Variants in CDH12 observed in about 807,000 individuals in gnomAD.
CDH12 encodes the protein cadherin 12.
Under a neutral mutation model 74.1 loss-of-function variants are expected in CDH12, and 41 were observed. The ratio of observed to expected loss-of-function variants is 0.55; its 90% CI spans 0.43 to 0.72. CDH12 has a LOEUF of 0.72. Ranked by LOEUF, CDH12 falls within the 30% of genes least tolerant of loss-of-function variation. The probability of loss-of-function intolerance (pLI) is 0.00; values close to 1 mark genes in which losing one functional copy is unlikely to be tolerated. For missense variants in CDH12, 945 were observed against 977.2 expected (o/e 0.97, Z 0.44); for synonymous variants, 399 against 355.0 (o/e 1.12, Z -1.39).
At chr5:22,126,323 C>A (rs560377239) in intron 4 of CDH12, among the ~76,000 whole-genome samples, 1 of 152,186 alleles carries the variant, frequency 6.6e-6, no homozygotes, top group Admixed American at 6.5e-5. Context: ...CCTGTAGATA[C>A]ATAAAAACTA....
At chr5:22,822,020 G>T (rs1038659972) in intron 1 of CDH12, among the ~76,000 whole-genome samples, 13 of 152,174 alleles carry the variant, frequency 8.5e-5, no homozygotes, top group Non-Finnish European at 1.5e-4. Context: ...TGTGGTACTG[G>T]TACCAAAACA....
At chr5:22,066,877 T>C (rs1455360488) in intron 5 of CDH12, among the ~76,000 whole-genome samples, 1 of 152,188 alleles carries the variant, frequency 6.6e-6, no homozygotes. Context: ...ATAAGCTTAG[T>C]CAGGTGGTGA....
intron 3 of CDH12, among the ~76,000 whole-genome samples, chr5:22,286,971 C>A (rs1737161892): frequency 6.6e-6 from 1 of 152,114 alleles, no homozygotes; most frequent in South Asian, 2.1e-4. Flanking sequence ...AGGAAATATA[C>A]CACTGTTTCC....
chr5:22,505,507 CT>C (rs1434726828), intron 1 of CDH12, 143 bp from the exon 2 acceptor site: 4 of 156,372 alleles, frequency 2.6e-5, no homozygotes, highest in African/African-American at 9.6e-5. Flanking sequence ...ATCACTATTG[CT>C]AATATCTTAC....
At chr5:22,040,987 T>C (rs4635906) in intron 5 of CDH12, among the ~76,000 whole-genome samples, 3,210 of 151,948 alleles carry the variant, frequency 0.021, 122 homozygotes, top group African/African-American at 0.074. Flanking sequence ...GTCAGAACAG[T>C]CAAAAATAGC....
intron 3 of CDH12, among the ~76,000 whole-genome samples, chr5:22,302,068 A>G (rs1317211069): frequency 6.6e-6 from 1 of 152,128 alleles, no homozygotes; most frequent in African/African-American, 2.4e-5. Flanking sequence ...AAATACATAA[A>G]ATACAAAAAC....
In CDH12 at chr5:21,816,624, C is replaced by CAAAAAAAAA. The variant is rs542222336; in HGVS notation, c.1002+312_1002+320dup. On this transcript the variant is annotated intron_variant, in intron 9 of 14. Transcript: ENST00000382254. ...TGGGTAACAGAGTGCAACTCCATCT[C>CAAAAAAAAA]AAAAAAAAAAAAAAAAAAAAAAAAA... Among the ~76,000 whole-genome samples the CAAAAAAAAA allele has an allele frequency of 3.1e-3, 55 of 17,958 alleles. 9 individuals carry two copies. The highest frequency in any genetic ancestry group is 3.6e-3 in the Non-Finnish European group (30 of 8,272). The allele number at this position is 17,958 out of a possible 152,430, so 11.8% of individuals were successfully genotyped here.
At chr5:22,455,150 C>T (rs554290057) in intron 2 of CDH12, among the ~76,000 whole-genome samples, 113 of 152,222 alleles carry the variant, frequency 7.4e-4, no homozygotes, top group African/African-American at 2.6e-3. Context: ...GTGAATGAAA[C>T]ATTATTGGCA....
At chr5:21,798,480 T>C (rs1367901910) in intron 10 of CDH12, among the ~76,000 whole-genome samples, 3 of 152,164 alleles carry the variant, frequency 2.0e-5, no homozygotes, top group Non-Finnish European at 4.4e-5. Context: ...TAGAGTTCTC[T>C]CCTGATTACT....
intron 3 of CDH12, among the ~76,000 whole-genome samples, chr5:22,269,368 G>A (rs140307041): frequency 1.6e-4 from 25 of 151,990 alleles, no homozygotes; most frequent in African/African-American, 5.3e-4. Context: ...CTCTATTCAC[G>A]TTTTTATGCT....
intron 1 of CDH12, among the ~76,000 whole-genome samples, chr5:22,839,761 C>T (rs190338625): frequency 7.9e-5 from 12 of 152,292 alleles, no homozygotes; most frequent in Admixed American, 7.8e-4. Flanking sequence ...TGTTTGTACA[C>T]GTGCTTGTAT....
intron 4 of CDH12, among the ~76,000 whole-genome samples, chr5:22,093,846 T>C (rs1743579993): frequency 6.6e-6 from 1 of 152,176 alleles, no homozygotes; most frequent in African/African-American, 2.4e-5. Flanking sequence ...TGGGCTGTAA[T>C]TAGTGGACCT....
At chr5:21,918,897 C>G (rs917977451) in intron 6 of CDH12, among the ~76,000 whole-genome samples, 2 of 152,032 alleles carry the variant, frequency 1.3e-5, no homozygotes, top group African/African-American at 2.4e-5. Context: ...TCCTTATTAT[C>G]AATATCTCTA....
At chr5:22,413,620 C>CT (rs1743255094) in intron 2 of CDH12, among the ~76,000 whole-genome samples, 2 of 151,960 alleles carry the variant, frequency 1.3e-5, no homozygotes, top group Non-Finnish European at 2.9e-5. Context: ...TCTGGCTGTG[C>CT]TGAAAAGCTG....
At chr5:22,616,838 C>G (rs1057512257) in intron 1 of CDH12, among the ~76,000 whole-genome samples, 1 of 151,844 alleles carries the variant, frequency 6.6e-6, no homozygotes, top group Non-Finnish European at 1.5e-5. Context: ...GAAGGCAGAG[C>G]CTTTGTGAAT....
At chr5:21,859,034 ATTAGCTGGAGTCACCAT>A (rs888541446) in intron 6 of CDH12, among the ~76,000 whole-genome samples, 2 of 151,910 alleles carry the variant, frequency 1.3e-5, no homozygotes, top group Non-Finnish European at 2.9e-5. Context: ...ATATATTCCT[ATTAGCTGGAGTCACCAT>A]GTTGTGTGCT....
intron 1 of CDH12, among the ~76,000 whole-genome samples, chr5:22,777,798 T>G (rs1456504933): frequency 1.3e-5 from 2 of 152,122 alleles, no homozygotes; most frequent in Non-Finnish European, 2.9e-5. Context: ...TTTGCTTATG[T>G]TGATTTTGCC....
intron 1 of CDH12, among the ~76,000 whole-genome samples, chr5:22,693,331 A>T (rs767781325): frequency 3.3e-5 from 5 of 152,216 alleles, no homozygotes; most frequent in African/African-American, 4.8e-5. Flanking sequence ...GAGCAAAAAA[A>T]GAAGCCTCAC....
At chr5:22,076,022 A>G (rs890272705) in intron 5 of CDH12, among the ~76,000 whole-genome samples, 3 of 152,080 alleles carry the variant, frequency 2.0e-5, no homozygotes, top group African/African-American at 7.2e-5. Flanking sequence ...AAGCATCAAG[A>G]CAGAGTTAAT....
Sources: gnomAD v4.1 joint callset for allele counts (sites outside exome capture counted in the v4.1 genomes callset) on GRCh38, gnomAD v4.1.1 for gene constraint, MANE v1.5 for transcripts, NCBI Gene and HGNC (gene_info 2026-07-23, HGNC 2026-07-21) for gene names.